Variants in RBFOX1 observed in about 807,000 individuals in gnomAD.
The protein encoded by RBFOX1 is RNA binding fox-1 homolog 1.
RBFOX1 carries 8 observed loss-of-function variants against 57.7 expected under a neutral mutation model. That is an observed-to-expected ratio of 0.14 (90% confidence interval 0.08 to 0.25). The LOEUF (loss-of-function observed/expected upper bound fraction) is 0.25. Among genes scored for constraint, RBFOX1 ranks in the 10% least tolerant of loss-of-function variants. The pLI is 1.00. For missense variants in RBFOX1, 611 were observed against 548.5 expected (o/e 1.11, Z -1.14); for synonymous variants, 326 against 222.4 (o/e 1.47, Z -4.15).
intron 3 of RBFOX1, among the ~76,000 whole-genome samples, chr16:6,859,783 C>A (rs919191790): frequency 7.2e-5 from 11 of 151,930 alleles, no homozygotes; most frequent in Non-Finnish European, 1.5e-5. Flanking sequence ...TGCTAAGGCT[C>A]CAAAAGGCAT....
chr16:6,095,801 G>A (rs2096238884), intron 1 of RBFOX1, among the ~76,000 whole-genome samples: 1 of 152,330 alleles, frequency 6.6e-6, no homozygotes, highest in Non-Finnish European at 1.5e-5. Context: ...CTGAGTCTGG[G>A]ATCGTTACCA....
At chr16:7,405,214 G>A (rs2098318610) in intron 4 of RBFOX1, among the ~76,000 whole-genome samples, 1 of 152,172 alleles carries the variant, frequency 6.6e-6, no homozygotes, top group Non-Finnish European at 1.5e-5. Context: ...TTTGTTTTCT[G>A]CTTGGTAAAG....
rs183399456 is a variant in RBFOX1, at chr16:6,221,979, G to C, written c.-126-95016G>C. On this transcript the variant is annotated intron_variant, in intron 1 of 15. Transcript: ENST00000550418. The stretch of plus-strand genomic sequence containing the variant: ...TATTTACTTTAGTCCCTATCATAAG[G>C]GAAGCAGTGGTCCTTCTTCATGTTT... Among the ~76,000 whole-genome samples the C allele has an allele frequency of 2.4e-3, 358 of 152,236 alleles. 2 individuals carry two copies. The highest frequency in any genetic ancestry group is 4.0e-3 in the Non-Finnish European group (275 of 68,024).
chr16:6,801,393 T>C (rs750180207), intron 3 of RBFOX1, among the ~76,000 whole-genome samples: 1 of 152,188 alleles, frequency 6.6e-6, no homozygotes, highest in African/African-American at 2.4e-5. Context: ...TTTATACTAG[T>C]TCCTTTCCCT....
At chr16:5,785,998 C>G (rs541649347) in intron 3 of RBFOX1, among the ~76,000 whole-genome samples, 33 of 152,292 alleles carry the variant, frequency 2.2e-4, no homozygotes, top group Non-Finnish European at 4.0e-4. Context: ...TGCCATTTCT[C>G]CATTGGACCA....
intron 2 of RBFOX1, among the ~76,000 whole-genome samples, chr16:6,440,890 T>C (rs1160904806): frequency 6.6e-6 from 1 of 151,632 alleles, no homozygotes; most frequent in Non-Finnish European, 1.5e-5. Flanking sequence ...ACAGTATGGA[T>C]GAGCTGGGAG....
chr16:6,062,852 G>C (rs2152462743), intron 1 of RBFOX1, among the ~76,000 whole-genome samples: 1 of 152,196 alleles, frequency 6.6e-6, no homozygotes, highest in East Asian at 1.9e-4. Context: ...TGGAAATTCA[G>C]ATGAGAGTTG....
intron 1 of RBFOX1, among the ~76,000 whole-genome samples, chr16:5,253,593 G>A (rs543597197): frequency 3.3e-5 from 5 of 152,328 alleles, no homozygotes; most frequent in East Asian, 1.9e-4. Context: ...CTCTGAGTCC[G>A]TGGCAGCCTC....
chr16:5,518,612 G>C (rs1304179301), intron 2 of RBFOX1, among the ~76,000 whole-genome samples: 1 of 152,222 alleles, frequency 6.6e-6, no homozygotes, highest in Non-Finnish European at 1.5e-5. Context: ...GTCCATGTTT[G>C]AAGTCCAGGA....
intron 4 of RBFOX1, among the ~76,000 whole-genome samples, chr16:7,509,493 T>G (rs970473943): frequency 6.6e-6 from 1 of 151,960 alleles, no homozygotes; most frequent in East Asian, 1.9e-4. Flanking sequence ...CTTACAATAA[T>G]ATGGTGAAGC....
chr16:6,616,456 C>T (rs1489888868), intron 2 of RBFOX1, among the ~76,000 whole-genome samples: 1 of 151,834 alleles, frequency 6.6e-6, no homozygotes. Flanking sequence ...GCGGGTGGAT[C>T]ACGAGGTCAG....
At chr16:6,800,926 C>T (rs987736057) in intron 3 of RBFOX1, among the ~76,000 whole-genome samples, 2 of 152,086 alleles carry the variant, frequency 1.3e-5, no homozygotes, top group African/African-American at 4.8e-5. Context: ...GTTTGCTATC[C>T]GTCTTGCCCC....
chr16:6,339,928 C>T (rs575503247), intron 2 of RBFOX1, among the ~76,000 whole-genome samples: 1 of 152,052 alleles, frequency 6.6e-6, no homozygotes, highest in East Asian at 1.9e-4. Flanking sequence ...CCACCCACCT[C>T]GTCCTCCTAA....
Position 6,656,724 on chromosome 16 carries a change from C to G in RBFOX1, c.-16+2074C>G, listed in dbSNP as rs78895959. The stretch of plus-strand genomic sequence containing the variant: ...TTTCCCATTTTTTTCTAAACTTGAC[C>G]TCATATGACTGATAGATAAATTTCT... On this transcript the variant is annotated intron_variant, in intron 3 of 15. Transcript: ENST00000550418. Among the ~76,000 whole-genome samples, 229 of 152,120 alleles carry G rather than the reference C, an allele frequency of 1.5e-3. 2 individuals are homozygous for G. In the East Asian group the frequency reaches 0.018, roughly 12 times the overall value.
chr16:7,699,143 G>C (rs1236965956), intron 14 of RBFOX1, among the ~76,000 whole-genome samples: 1 of 152,124 alleles, frequency 6.6e-6, no homozygotes, highest in Non-Finnish European at 1.5e-5. Flanking sequence ...CCAGATAATT[G>C]TAATAGAAAA....
rs529154347 is a variant in RBFOX1 at position 7,489,630 on chromosome 16, G to A, written c.28-28517G>A. ...TCCCGGACTCAAGAAATCCTCCAAC[G>A]TCAGTCTCCCGAGTAGCTGGGATTA... On this transcript the variant is annotated intron_variant, in intron 4 of 15. Coordinates refer to ENST00000550418, the MANE Select transcript of RBFOX1 (RefSeq NM_018723.4). 5.3e-4 allele frequency among the ~76,000 whole-genome samples: 80 copies of A among 151,840 alleles called. 1 individual carries two copies. Among genetic ancestry groups the A allele is most frequent in the Non-Finnish European group, 2.2e-4 (15 of 67,936 alleles).
chr16:6,723,699 T>G (rs2066503108), intron 3 of RBFOX1: 1 of 152,142 alleles, frequency 6.6e-6, no homozygotes, highest in Non-Finnish European at 1.5e-5. Flanking sequence ...AAACAAGGAA[T>G]GAGTTACAGA....
intron 4 of RBFOX1, among the ~76,000 whole-genome samples, chr16:7,482,268 C>T (rs925262712): frequency 2.0e-5 from 3 of 152,210 alleles, no homozygotes; most frequent in South Asian, 2.1e-4. Context: ...TGCAATCATC[C>T]TCATTAATTC....
intron 3 of RBFOX1, among the ~76,000 whole-genome samples, chr16:5,757,896 A>G (rs2053456601): frequency 6.6e-6 from 1 of 152,144 alleles, no homozygotes; most frequent in South Asian, 2.1e-4. Context: ...AGCTCTGACA[A>G]TAAATCTTTC....
Sources: allele counts gnomAD v4.1 joint callset (sites outside exome capture counted in the v4.1 genomes callset), GRCh38; gene constraint gnomAD v4.1.1; transcripts MANE v1.5; gene names NCBI Gene and HGNC (gene_info 2026-07-23, HGNC 2026-07-21).